PDE4B: variants seen among roughly 807,000 people sequenced by gnomAD.
PDE4B encodes phosphodiesterase 4B.
PDE4B carries 20 observed loss-of-function variants against 82.2 expected under a neutral mutation model. That is an observed-to-expected ratio of 0.24 (90% CI 0.17 to 0.35). The LOEUF is 0.35. Ranked by LOEUF, PDE4B falls within the 10% of genes least tolerant of loss-of-function variation. The probability of loss-of-function intolerance (pLI) is 1.00; values close to 1 mark genes in which losing one functional copy is unlikely to be tolerated. For synonymous variants in PDE4B, 320 were observed against 318.9 expected (o/e 1.00, Z -0.04); for missense variants, 655 against 907.2 (o/e 0.72, Z 3.57).
intron 1 of PDE4B, among the ~76,000 whole-genome samples, chr1:65,870,322 C>T (rs549670395): frequency 1.3e-5 from 2 of 152,258 alleles, no homozygotes; most frequent in African/African-American, 4.8e-5. Flanking sequence ...CTCACAACAG[C>T]ACTATTGAGC....
chr1:66,106,223 T>C (rs1640552516), intron 3 of PDE4B, among the ~76,000 whole-genome samples: 1 of 152,164 alleles, frequency 6.6e-6, no homozygotes, highest in African/African-American at 2.4e-5. Context: ...TGGTTCTGTT[T>C]ATATGCTGGA....
intron 3 of PDE4B, among the ~76,000 whole-genome samples, chr1:66,182,095 C>A (rs1198904525): frequency 6.6e-6 from 1 of 152,072 alleles, no homozygotes; most frequent in Admixed American, 6.6e-5. Context: ...AGCAAAAAAG[C>A]AGTTGGCTCT....
intron 3 of PDE4B, among the ~76,000 whole-genome samples, chr1:66,020,153 G>A (rs763522865): frequency 6.6e-6 from 1 of 152,146 alleles, no homozygotes; most frequent in Non-Finnish European, 1.5e-5. Flanking sequence ...TTTGAAATTT[G>A]TCCAGGAAAT....
chr1:66,016,839 G>A (rs999366389), intron 3 of PDE4B, among the ~76,000 whole-genome samples: 1 of 152,194 alleles, frequency 6.6e-6, no homozygotes, highest in African/African-American at 2.4e-5. Context: ...GCCATAAGTG[G>A]ATAAGGAGCA....
At chr1:66,058,655 C>T (rs1462297166) in intron 3 of PDE4B, among the ~76,000 whole-genome samples, 3 of 152,254 alleles carry the variant, frequency 2.0e-5, no homozygotes, top group Non-Finnish European at 2.9e-5. Context: ...CTTGCACCCT[C>T]TGAAGCCATG....
rs1468688971 is a variant in PDE4B, at chr1:66,036,763, C to T, written c.281+117928C>T. ...ATTATTTTGAAATCCTGTAGCATGA[C>T]GACTCCAGGTTTGTCCTTTTTGGTC... is the stretch of plus-strand genomic sequence containing the variant. On this transcript the variant is annotated intron_variant, in intron 3 of 16. Transcript: ENST00000341517. Among the ~76,000 whole-genome samples, 3 of 152,100 alleles carry T rather than the reference C, an allele frequency of 2.0e-5. No individual in the cohort carries two copies. The South Asian group carries it at 6.2e-4, about 32-fold the overall frequency.
At chr1:66,061,656 A>G (rs1257469951) in intron 3 of PDE4B, among the ~76,000 whole-genome samples, 1 of 152,166 alleles carries the variant, frequency 6.6e-6, no homozygotes, top group African/African-American at 2.4e-5. Flanking sequence ...AAACTGATAT[A>G]CCAAAGGAAA....
intron 1 of PDE4B, among the ~76,000 whole-genome samples, chr1:65,857,286 C>T (rs2100238779): frequency 1.3e-5 from 2 of 152,264 alleles, no homozygotes; most frequent in Middle Eastern, 6.8e-3. Context: ...AAAGTAGTCT[C>T]AGTTAATTTC....
chr1:66,277,823 T>A (rs1656001486), intron 7 of PDE4B, among the ~76,000 whole-genome samples: 1 of 152,246 alleles, frequency 6.6e-6, no homozygotes, highest in African/African-American at 2.4e-5. Flanking sequence ...ATGTACCTCC[T>A]GGTTAAGAAG....
At chr1:65,962,856 A>C (rs1318089272) in intron 3 of PDE4B, among the ~76,000 whole-genome samples, 2 of 152,142 alleles carry the variant, frequency 1.3e-5, no homozygotes, top group African/African-American at 2.4e-5. Context: ...CTCTTTTGAA[A>C]GTGAAAGTGG....
At chr1:65,841,745 G>A (rs999374551) in intron 1 of PDE4B, among the ~76,000 whole-genome samples, 3 of 151,792 alleles carry the variant, frequency 2.0e-5, no homozygotes, top group South Asian at 2.1e-4. Flanking sequence ...ATTTTACTTC[G>A]AAAAATAGTT....
chr1:66,296,771 C>A (rs1026233249), intron 7 of PDE4B, among the ~76,000 whole-genome samples: 1 of 152,124 alleles, frequency 6.6e-6, no homozygotes, highest in Admixed American at 6.6e-5. Flanking sequence ...ATCAATAATT[C>A]ATAGCAGCTC....
chr1:66,317,568 G>T (rs997179791), intron 7 of PDE4B, among the ~76,000 whole-genome samples: 1 of 147,086 alleles, frequency 6.8e-6, no homozygotes, highest in Non-Finnish European at 1.5e-5. Flanking sequence ...AAGAAAAACT[G>T]TTTTTTTTTT....
chr1:65,879,066 A>G (rs1302354396), intron 1 of PDE4B, among the ~76,000 whole-genome samples: 1 of 152,148 alleles, frequency 6.6e-6, no homozygotes, highest in South Asian at 2.1e-4. Flanking sequence ...AGAAACTGAG[A>G]CACAGAAAGG....
intron 3 of PDE4B, among the ~76,000 whole-genome samples, chr1:65,939,935 G>T (rs1043343960): frequency 2.6e-5 from 4 of 152,048 alleles, no homozygotes; most frequent in African/African-American, 9.7e-5. Context: ...TAAGAATTTG[G>T]TTAATTATTT....
chr1:65,868,835 C>A (rs35825384), intron 1 of PDE4B, among the ~76,000 whole-genome samples: 4 of 152,064 alleles, frequency 2.6e-5, no homozygotes, highest in African/African-American at 9.7e-5. Context: ...ACTGTGCATG[C>A]GAGGGATCTA....
At chr1:65,818,898 G>A (rs1439419114) in intron 1 of PDE4B, among the ~76,000 whole-genome samples, 2 of 152,092 alleles carry the variant, frequency 1.3e-5, no homozygotes, top group Non-Finnish European at 2.9e-5. Context: ...TCAAGGATAA[G>A]CTAGCATAGG....
chr1:65,833,188 T>C (rs1225025968), intron 1 of PDE4B, among the ~76,000 whole-genome samples: 1 of 152,162 alleles, frequency 6.6e-6, no homozygotes, highest in Non-Finnish European at 1.5e-5. Flanking sequence ...GGTGACAATA[T>C]ATAATAGATG....
At chr1:66,168,445 G>A (rs1221347425) in intron 3 of PDE4B, among the ~76,000 whole-genome samples, 2 of 152,158 alleles carry the variant, frequency 1.3e-5, no homozygotes, top group South Asian at 2.1e-4. Flanking sequence ...AGTAAGTGTG[G>A]GAGTGAGCTA....
Sources: allele counts gnomAD v4.1 joint callset (sites outside exome capture counted in the v4.1 genomes callset), GRCh38; gene constraint gnomAD v4.1.1; transcripts MANE v1.5; gene names NCBI Gene and HGNC (gene_info 2026-07-23, HGNC 2026-07-21).